KCNH8: variants seen among roughly 807,000 people sequenced by gnomAD.
KCNH8 encodes the protein voltage-gated delayed rectifier potassium channel KCNH8.
In KCNH8, 70 loss-of-function variants were observed where a neutral mutation model predicts 103.6. The ratio of observed to expected loss-of-function variants is 0.68; its 90% confidence interval spans 0.56 to 0.82. The LOEUF (loss-of-function observed/expected upper bound fraction) is 0.82, where lower values mean the gene tolerates loss of function less well. Ranked by LOEUF, KCNH8 falls within the 40% of genes least tolerant of loss-of-function variation. KCNH8 has a pLI of 0.00. For synonymous variants in KCNH8, 498 were observed against 489.4 expected, an observed-to-expected ratio of 1.02 and a Z score of -0.23; for missense variants, 1,217 against 1,329.9, an observed-to-expected ratio of 0.92 and a Z score of 1.32.
At chr3:19,490,522 C>G (rs981236281) in intron 11 of KCNH8, among the ~76,000 whole-genome samples, 1 of 152,172 alleles carries the variant, frequency 6.6e-6, no homozygotes, top group African/African-American at 2.4e-5. Flanking sequence ...CATACAATGT[C>G]TGTAATCTAT....
intron 1 of KCNH8, among the ~76,000 whole-genome samples, chr3:19,176,207 G>A (rs1275912235): frequency 6.6e-6 from 1 of 152,038 alleles, no homozygotes; most frequent in East Asian, 1.9e-4. Flanking sequence ...CTAACACCCT[G>A]AAAGAGACCT....
At chr3:19,392,524 A>C (rs2066454590) in intron 6 of KCNH8, among the ~76,000 whole-genome samples, 1 of 151,950 alleles carries the variant, frequency 6.6e-6, no homozygotes, top group Non-Finnish European at 1.5e-5. Flanking sequence ...CTTCTCAGGA[A>C]AACATAAGTT....
At chr3:19,242,239 A>T (rs1479384481) in intron 1 of KCNH8, among the ~76,000 whole-genome samples, 1 of 152,210 alleles carries the variant, frequency 6.6e-6, no homozygotes, top group Non-Finnish European at 1.5e-5. Context: ...TAGGTAGTAT[A>T]ACCAAAAGCA....
intron 1 of KCNH8, among the ~76,000 whole-genome samples, chr3:19,170,871 G>A (rs2063342042): frequency 6.9e-6 from 1 of 145,956 alleles, no homozygotes; most frequent in African/African-American, 2.6e-5. Context: ...GTGCAGTGGC[G>A]CAAAATATCG....
intron 5 of KCNH8, among the ~76,000 whole-genome samples, chr3:19,357,436 C>G (rs532890895): frequency 4.0e-5 from 6 of 151,828 alleles, no homozygotes; most frequent in Admixed American, 4.0e-4. Flanking sequence ...ATTGGAGCCA[C>G]TGTTAACTGA....
At chr3:19,419,091 A>T (rs373306056) in intron 7 of KCNH8, among the ~76,000 whole-genome samples, 2 of 151,772 alleles carry the variant, frequency 1.3e-5, no homozygotes, top group East Asian at 3.9e-4. Context: ...TAAAATTTTA[A>T]TACCTCTTCT....
intron 5 of KCNH8, among the ~76,000 whole-genome samples, chr3:19,384,560 CAATTT>C (rs1559301444): frequency 6.6e-6 from 1 of 152,000 alleles, no homozygotes; most frequent in African/African-American, 2.4e-5. Context: ...TTAACTGTGA[CAATTT>C]AATAAGGCTG....
chr3:19,288,181 C>CTTTTTTTTTTTTCTTT (rs2064861567), intron 3 of KCNH8, among the ~76,000 whole-genome samples: 1 of 38,176 alleles, frequency 2.6e-5, no homozygotes, highest in African/African-American at 9.6e-5. Context: ...TATCAAACTT[C>CTTTTTTTTTTTTCTTT]TTTTTTTTTT....
At chr3:19,168,595 G>A (rs1480437944) in intron 1 of KCNH8, among the ~76,000 whole-genome samples, 1 of 152,120 alleles carries the variant, frequency 6.6e-6, no homozygotes, top group Non-Finnish European at 1.5e-5. Flanking sequence ...ATTTGTCTGA[G>A]CAAATGGTGA....
chr3:19,443,707 T>C (rs960471059), intron 8 of KCNH8, among the ~76,000 whole-genome samples: 1 of 151,894 alleles, frequency 6.6e-6, no homozygotes, highest in African/African-American at 2.4e-5. Flanking sequence ...AATGAGCGAA[T>C]TCAATAATGT....
At position 19,379,724 on chromosome 3, in the gene KCNH8, G is replaced by A. The variant is rs957974702; in HGVS notation, c.812-10757G>A. On this transcript the variant is annotated intron_variant, in intron 5 of 15. Transcript: ENST00000328405. ...CAAGTCAAGCAACATGCTAGTGACA[G>A]CCAAATATCACATTTGCATTACTCA... Among the ~76,000 whole-genome samples, 12 of 152,136 alleles carry A rather than the reference G, an allele frequency of 7.9e-5. 1 individual carries two copies. The highest frequency in any genetic ancestry group is 1.5e-4 in the Non-Finnish European group (10 of 68,020).
intron 1 of KCNH8, among the ~76,000 whole-genome samples, chr3:19,200,437 C>T (rs895492316): frequency 6.6e-6 from 1 of 151,326 alleles, no homozygotes; most frequent in Non-Finnish European, 1.5e-5. Flanking sequence ...TCAAAATTTA[C>T]TGAAAGCCCT....
chr3:19,421,117 G>A (rs1384550729), intron 7 of KCNH8, among the ~76,000 whole-genome samples: 2 of 152,092 alleles, frequency 1.3e-5, no homozygotes, highest in Non-Finnish European at 1.5e-5. Context: ...AAAAATTGGT[G>A]AAACAACTAC....
intron 2 of KCNH8, among the ~76,000 whole-genome samples, chr3:19,278,631 T>G (rs187520203): frequency 2.6e-5 from 4 of 152,244 alleles, no homozygotes; most frequent in East Asian, 1.9e-4. Flanking sequence ...TCTCATAAAC[T>G]TTTTTGTCAT....
At chr3:19,311,666 C>T (rs1021660036) in intron 3 of KCNH8, among the ~76,000 whole-genome samples, 2 of 151,656 alleles carry the variant, frequency 1.3e-5, no homozygotes, top group Non-Finnish European at 2.9e-5. Flanking sequence ...TCACAGACTC[C>T]AGGAGTGTTA....
At chr3:19,366,583 T>C (rs2066013560) in intron 5 of KCNH8, among the ~76,000 whole-genome samples, 1 of 152,080 alleles carries the variant, frequency 6.6e-6, no homozygotes, top group South Asian at 2.1e-4. Context: ...CTTAATGTAA[T>C]GAAAGGGTTT....
chr3:19,303,968 T>C (rs1467993179), intron 3 of KCNH8, among the ~76,000 whole-genome samples: 1 of 152,134 alleles, frequency 6.6e-6, no homozygotes. Context: ...TGCAGAAAGG[T>C]TGAGTCCTAT....
At chr3:19,517,460 A>G (rs1313925597) in intron 14 of KCNH8, among the ~76,000 whole-genome samples, 1 of 151,932 alleles carries the variant, frequency 6.6e-6, no homozygotes, top group East Asian at 1.9e-4. Context: ...GGAAGAGCAA[A>G]GTAGAGAAAA....
chr3:19,318,401 A>G (rs1233186638), intron 3 of KCNH8, among the ~76,000 whole-genome samples: 1 of 151,628 alleles, frequency 6.6e-6, no homozygotes, highest in East Asian at 1.9e-4. Flanking sequence ...ACTGTACCCA[A>G]TGTGTAATCT....
Sources: gnomAD v4.1 joint callset for allele counts (sites outside exome capture counted in the v4.1 genomes callset) on GRCh38, gnomAD v4.1.1 for gene constraint, MANE v1.5 for transcripts, NCBI Gene and HGNC (gene_info 2026-07-23, HGNC 2026-07-21) for gene names.